Variants in DCDC1 observed in about 807,000 individuals in gnomAD.
DCDC1 encodes the protein doublecortin domain-containing protein 1.
Under a neutral mutation model 178.3 loss-of-function variants are expected in DCDC1, and 200 were observed. That is an observed-to-expected ratio of 1.12 (90% CI 1.00 to 1.26). The LOEUF (loss-of-function observed/expected upper bound fraction) is 1.26, where lower values mean the gene tolerates loss of function less well. Ranked by LOEUF, DCDC1 falls within the 50% of genes most tolerant of loss-of-function variation. The probability of loss-of-function intolerance (pLI) is 0.00; values close to 1 mark genes in which losing one functional copy is unlikely to be tolerated. For missense variants in DCDC1, 1,983 were observed against 1,749.2 expected, an observed-to-expected ratio of 1.13 and a Z score of -2.38; for synonymous variants, 690 against 604.8, an observed-to-expected ratio of 1.14 and a Z score of -2.07.
rs575849448 is a variant in DCDC1 at position 31,297,897 on chromosome 11, C to T, written c.755-7045G>A. 5.9e-5 allele frequency among the ~76,000 whole-genome samples: 9 copies of T among 152,196 alleles called. No individual in the cohort carries two copies. In the South Asian group the frequency reaches 1.9e-3, roughly 32 times the overall value. ...TTTGAGTTGTACCGCTTTTCTGGAC[C>T]AAACCAATGTTCATCTTACATATAT... On this transcript the variant is annotated intron_variant, in intron 6 of 38. Coordinates refer to ENST00000684477, the MANE Select transcript of DCDC1 (RefSeq NM_001387274.1).
intron 9 of DCDC1, among the ~76,000 whole-genome samples, chr11:31,198,114 G>C (rs1418955786): frequency 6.6e-6 from 1 of 151,986 alleles, no homozygotes; most frequent in Non-Finnish European, 1.5e-5. Context: ...GTGTTACTGA[G>C]AGGCATATGT....
intron 1 of DCDC1, among the ~76,000 whole-genome samples, chr11:31,362,526 G>A (rs139897997): frequency 1.4e-3 from 215 of 152,230 alleles, no homozygotes; most frequent in Admixed American, 2.3e-3. Context: ...GTAATGCAGA[G>A]TGAAAATGCT....
intron 6 of DCDC1, among the ~76,000 whole-genome samples, chr11:31,291,499 A>G (rs942861182): frequency 6.6e-6 from 1 of 152,080 alleles, no homozygotes; most frequent in African/African-American, 2.4e-5. Flanking sequence ...AACTCCCACT[A>G]ATATAAACAG....
intron 9 of DCDC1, among the ~76,000 whole-genome samples, chr11:31,173,745 CACACACACACACAA>C (rs1967567402): frequency 9.4e-6 from 1 of 106,946 alleles, no homozygotes; most frequent in Non-Finnish European, 2.1e-5. Flanking sequence ...CTTACACACA[CACACACACACACAA>C]ACACACACAC....
chr11:31,033,416 TC>T (rs1953803165), intron 20 of DCDC1, among the ~76,000 whole-genome samples: 1 of 152,194 alleles, frequency 6.6e-6, no homozygotes, highest in African/African-American at 2.4e-5. Context: ...TTTTGATTTT[TC>T]TATTTTCTTA....
intron 21 of DCDC1, among the ~76,000 whole-genome samples, chr11:30,936,655 C>T (rs867166366): frequency 6.6e-6 from 1 of 152,228 alleles, no homozygotes; most frequent in South Asian, 2.1e-4. Flanking sequence ...CACATTCATA[C>T]AGTGGGCTCC....
chr11:31,170,180 C>T (rs1196475093), intron 9 of DCDC1, among the ~76,000 whole-genome samples: 1 of 152,144 alleles, frequency 6.6e-6, no homozygotes, highest in Non-Finnish European at 1.5e-5. Context: ...TGCAGTAGTC[C>T]AGATGAAAGG....
chr11:30,944,914 C>A (rs1459721587), intron 21 of DCDC1, among the ~76,000 whole-genome samples: 2 of 149,974 alleles, frequency 1.3e-5, no homozygotes, highest in Non-Finnish European at 2.9e-5. Context: ...GTATTCATGC[C>A]TAAGATTATG....
intron 23 of DCDC1, among the ~76,000 whole-genome samples, chr11:30,923,939 C>T (rs186586454): frequency 1.5e-3 from 223 of 152,096 alleles, no homozygotes; most frequent in African/African-American, 5.0e-3. Context: ...TTTTGAACAA[C>T]GGATTTCTTT....
chr11:30,884,497 C>T (rs1942993859), intron 36 of DCDC1, among the ~76,000 whole-genome samples: 1 of 152,004 alleles, frequency 6.6e-6, no homozygotes, highest in Non-Finnish European at 1.5e-5. Context: ...AATACGACTT[C>T]ATTCTTAGAA....
At chr11:30,886,563 C>T (rs1943189459) in intron 36 of DCDC1, among the ~76,000 whole-genome samples, 1 of 152,148 alleles carries the variant, frequency 6.6e-6, no homozygotes, top group Non-Finnish European at 1.5e-5. Flanking sequence ...CCTGATATGG[C>T]AGAGAGAAAG....
intron 17 of DCDC1, among the ~76,000 whole-genome samples, chr11:31,081,151 T>C (rs1957145206): frequency 6.6e-6 from 1 of 152,182 alleles, no homozygotes. Flanking sequence ...TAAAGCTATC[T>C]TTGAATAAAT....
intron 20 of DCDC1, among the ~76,000 whole-genome samples, chr11:31,002,354 G>C (rs1368285811): frequency 6.6e-6 from 1 of 152,122 alleles, no homozygotes; most frequent in Non-Finnish European, 1.5e-5. Flanking sequence ...ATTCCACTGA[G>C]TTTGTAGAGG....
intron 3 of DCDC1, among the ~76,000 whole-genome samples, chr11:31,321,678 C>T (rs921444311): frequency 6.6e-6 from 1 of 152,168 alleles, no homozygotes; most frequent in Non-Finnish European, 1.5e-5. Context: ...TTGGCTCCTC[C>T]CCGCCCTGCA....
intron 17 of DCDC1, among the ~76,000 whole-genome samples, chr11:31,084,085 AT>A (rs1470479602): frequency 6.6e-6 from 1 of 152,188 alleles, no homozygotes; most frequent in Non-Finnish European, 1.5e-5. Flanking sequence ...AAAAATATAT[AT>A]ATTAAAAGGG....
At chr11:31,030,850 C>A (rs1953576558) in intron 20 of DCDC1, among the ~76,000 whole-genome samples, 1 of 119,862 alleles carries the variant, frequency 8.3e-6, no homozygotes, top group South Asian at 2.6e-4. Context: ...TTGTATATTT[C>A]CCAGGGCAAG....
chr11:31,345,325 G>A (rs937892191), intron 1 of DCDC1, among the ~76,000 whole-genome samples: 8 of 152,122 alleles, frequency 5.3e-5, no homozygotes, highest in Non-Finnish European at 1.2e-4. Flanking sequence ...TGTTTTTAAC[G>A]TTTTAAAATC....
At chr11:31,302,355 T>C (rs1008602480) in intron 6 of DCDC1, among the ~76,000 whole-genome samples, 2 of 152,118 alleles carry the variant, frequency 1.3e-5, no homozygotes, top group Non-Finnish European at 2.9e-5. Context: ...TTTAGGAAAC[T>C]GTGAATAAAA....
chr11:30,922,724 AT>A (rs1946330310), intron 23 of DCDC1, 86 bp from the exon 24 acceptor site: 1 of 1,299,472 alleles, frequency 7.7e-7, no homozygotes, highest in Non-Finnish European at 1.0e-6. Flanking sequence ...AATTAAAAAA[AT>A]CAAAATGTCC....
Sources: gnomAD v4.1 joint callset for allele counts (sites outside exome capture counted in the v4.1 genomes callset) on GRCh38, gnomAD v4.1.1 for gene constraint, MANE v1.5 for transcripts, NCBI Gene and HGNC (gene_info 2026-07-23, HGNC 2026-07-21) for gene names.